The following FAM120B variants were observed in gnomAD, a reference collection of about 807,000 sequenced individuals.
FAM120B encodes constitutive coactivator of peroxisome proliferator-activated receptor gamma.
Under a neutral mutation model 96.3 loss-of-function variants are expected in FAM120B, and 83 were observed. That is an observed-to-expected ratio of 0.86 (90% CI 0.72 to 1.03). FAM120B has a LOEUF of 1.03. Among genes scored for constraint, FAM120B ranks in the 50% least tolerant of loss-of-function variants. The pLI, the probability that FAM120B is intolerant of heterozygous loss-of-function variation, is 0.00. For synonymous variants in FAM120B, 407 were observed against 402.7 expected (o/e 1.01, Z -0.13); for missense variants, 1,027 against 1,121.2 (o/e 0.92, Z 1.20).
chr6:170,400,103 A>G (rs71576523), intron 9 of FAM120B, among the ~76,000 whole-genome samples: 11 of 141,920 alleles, frequency 7.8e-5, no homozygotes, highest in East Asian at 7.7e-4. Context: ...GGAGTGAGTG[A>G]GAAAGGTAGA....
chr6:170,304,260 C>T (rs541517158), upstream of FAM120B, among the ~76,000 whole-genome samples: 2 of 152,190 alleles, frequency 1.3e-5, no homozygotes, highest in Non-Finnish European at 2.9e-5. Flanking sequence ...CTATTGTATT[C>T]CAGCTTCCTG....
intron 5 of FAM120B, among the ~76,000 whole-genome samples, chr6:170,352,462 CAACATA>C (rs1487496716): frequency 6.6e-6 from 1 of 152,228 alleles, no homozygotes; most frequent in Non-Finnish European, 1.5e-5. Flanking sequence ...CACCCAAATT[CAACATA>C]ATATACATTC....
intron 4 of FAM120B, among the ~76,000 whole-genome samples, chr6:170,347,177 C>T (rs971592150): frequency 2.6e-5 from 4 of 151,970 alleles, no homozygotes; most frequent in African/African-American, 4.8e-5. Flanking sequence ...ACTCTGAGGC[C>T]GTTTGGTTAG....
intron 6 of FAM120B, among the ~76,000 whole-genome samples, chr6:170,375,698 G>T (rs1225311312): frequency 6.6e-6 from 1 of 152,168 alleles, no homozygotes; most frequent in Non-Finnish European, 1.5e-5. Context: ...TGGCAAGGAG[G>T]TCCTTCAGAG....
upstream of FAM120B, among the ~76,000 whole-genome samples, chr6:170,301,803 C>T (rs1340594981): frequency 6.6e-6 from 1 of 152,234 alleles, no homozygotes; most frequent in Non-Finnish European, 1.5e-5. Flanking sequence ...ACCATCTCAG[C>T]CTGGACTTCA....
intron 3 of FAM120B, among the ~76,000 whole-genome samples, chr6:170,325,477 G>GT (rs1467418224): frequency 6.8e-6 from 1 of 147,974 alleles, no homozygotes; most frequent in Non-Finnish European, 1.5e-5. Flanking sequence ...TTTTGGATTA[G>GT]TTTAATAATT....
intron 6 of FAM120B, among the ~76,000 whole-genome samples, chr6:170,375,988 G>T (rs950854919): frequency 1.3e-5 from 2 of 152,164 alleles, no homozygotes; most frequent in Non-Finnish European, 2.9e-5. Flanking sequence ...CCCTAAAAAG[G>T]CCAGAGAATT....
chr6:170,346,492 T>C lies in FAM120B; in HGVS notation c.2018-1659T>C, dbSNP rs1161329913. On this transcript the variant is annotated intron_variant, in intron 4 of 10. Transcript: ENST00000476287. ...GATAATAGAAGATTCATTACTTACC[T>C]TAGATCCGAGACTAGTAAACTTATT... Among the ~76,000 whole-genome samples, 8 of 152,366 alleles carry C rather than the reference T, an allele frequency of 5.3e-5. No homozygotes were observed. In the East Asian group the frequency reaches 1.2e-3, roughly 22 times the overall value.
chr6:170,303,198 T>C (rs1784177591), upstream of FAM120B, among the ~76,000 whole-genome samples: 1 of 152,198 alleles, frequency 6.6e-6, no homozygotes. Flanking sequence ...ATTTATCTCT[T>C]ATATATTTCT....
rs777730322 is a variant in FAM120B, at chr6:170,405,260, G to C, written c.*509G>C. On this transcript the variant is annotated 3_prime_UTR_variant, in exon 11 of 11. Coordinates refer to ENST00000476287, the MANE Select transcript of FAM120B (RefSeq NM_032448.3). Reference sequence around the variant, plus strand: ...TCTATACCTTGGCTTTTTCCTCTACGTACATACCATGATAAAGCTTAACAA... The same window carrying C: ...TCTATACCTTGGCTTTTTCCTCTACCTACATACCATGATAAAGCTTAACAA... 3.9e-5 allele frequency: 6 copies of C among 152,192 alleles called. No homozygotes were observed. Among genetic ancestry groups the C allele is most frequent in the African/African-American group, 1.2e-4 (5 of 41,420 alleles). 9.4% of individuals were successfully genotyped at this position (152,192 alleles called of 1,614,324 possible).
At chr6:170,397,981 G>T (rs923984179) in intron 9 of FAM120B, among the ~76,000 whole-genome samples, 19 of 97,266 alleles carry the variant, frequency 2.0e-4, no homozygotes, top group Non-Finnish European at 4.5e-4. Flanking sequence ...TACCCTCTTT[G>T]GCTTGGGGTT....
At chr6:170,330,720 A>C in intron 4 of FAM120B, 170 bp downstream of exon 4, 2 of 608,356 alleles carry the variant, frequency 3.3e-6, no homozygotes, top group African/African-American at 1.9e-5. Flanking sequence ...TCCCAAAATA[A>C]TGGAAGGATG....
chr6:170,368,826 G>C (rs867243097), intron 6 of FAM120B, among the ~76,000 whole-genome samples: 38 of 149,604 alleles, frequency 2.5e-4, no homozygotes, highest in South Asian at 8.3e-4. Flanking sequence ...GGGCTGGGGG[G>C]GGGGCTCCCT....
At chr6:170,333,333 C>T (rs1221346569) in intron 4 of FAM120B, among the ~76,000 whole-genome samples, 1 of 152,062 alleles carries the variant, frequency 6.6e-6, no homozygotes, top group East Asian at 1.9e-4. Flanking sequence ...AACCAGGAAG[C>T]GGGGCCTCAC....
intron 4 of FAM120B, among the ~76,000 whole-genome samples, chr6:170,343,522 C>A (rs1786975245): frequency 6.6e-6 from 1 of 152,026 alleles, no homozygotes. Context: ...TTTATCAGGA[C>A]ATTTTTCCTA....
Position 170,317,950 on chromosome 6 carries a change from C to T in FAM120B, c.560C>T (p.Thr187Ile). The change falls in exon 2 of 11, where the codon ACT becomes ATT. Residue 187 changes from threonine (T) to isoleucine (I), a missense_variant. Physicochemically the swap from Thr to Ile is moderately conservative, Grantham distance 89 (BLOSUM62 -1). Coordinates refer to ENST00000476287, the MANE Select transcript of FAM120B (RefSeq NM_032448.3). ...GEDTDYLIYD[T>I]CPYFSISELC... The stretch of plus-strand genomic sequence containing the variant: ...GACACTGATTACCTAATCTATGACA[C>T]TTGTCCCTACTTTTCAATTAGCGAG... The T allele has an allele frequency of 6.2e-7, 1 of 1,614,082 alleles. No homozygotes were observed. The highest frequency in any genetic ancestry group is 8.5e-7 in the Non-Finnish European group (1 of 1,179,948).
At chr6:170,357,568 A>C (rs1267515323) in intron 5 of FAM120B, among the ~76,000 whole-genome samples, 5 of 152,154 alleles carry the variant, frequency 3.3e-5, no homozygotes, top group Non-Finnish European at 7.4e-5. Context: ...GGATTCGAGG[A>C]CACAGGTTTC....
intron 6 of FAM120B, among the ~76,000 whole-genome samples, chr6:170,358,861 A>G (rs1291269454): frequency 2.6e-5 from 4 of 152,174 alleles, no homozygotes; most frequent in Non-Finnish European, 5.9e-5. Flanking sequence ...AAATGGCCCA[A>G]TCACAGCTAA....
Position 170,364,770 on chromosome 6 carries a change from G to A in FAM120B, c.2283+6452G>A, listed in dbSNP as rs1429462210. 2.6e-5 allele frequency among the ~76,000 whole-genome samples: 4 copies of A among 152,272 alleles called. No individual in the cohort carries two copies. The East Asian group carries it at 7.7e-4, about 29-fold the overall frequency. ...CTGGTGCTGCTGAAACACAGATGCT[G>A]GCATGCCTTTCTTTCCTCCCCAAGA... On this transcript the variant is annotated intron_variant, in intron 6 of 10. Transcript: ENST00000476287.
Sources: gnomAD v4.1 joint callset for allele counts (sites outside exome capture counted in the v4.1 genomes callset) on GRCh38, gnomAD v4.1.1 for gene constraint, MANE v1.5 for transcripts, NCBI Gene and HGNC (gene_info 2026-07-23, HGNC 2026-07-21) for gene names.